DENND2B: variants seen among roughly 807,000 people sequenced by gnomAD.
The protein encoded by DENND2B is DENN domain containing 2B, also known as DENN domain-containing protein 2B.
A neutral mutation model predicts 116.0 loss-of-function variants in DENND2B; 32 were observed. That is an observed-to-expected ratio of 0.28 (90% confidence interval 0.21 to 0.37). The LOEUF is 0.37. Ranked by LOEUF, DENND2B falls within the 10% of genes least tolerant of loss-of-function variation. The pLI, the probability that DENND2B is intolerant of heterozygous loss-of-function variation, is 1.00. For synonymous variants in DENND2B, 588 were observed against 583.9 expected, an observed-to-expected ratio of 1.01 and a Z score of -0.10; for missense variants, 1,276 against 1,477.7, an observed-to-expected ratio of 0.86 and a Z score of 2.24.
rs552960737 is a variant in DENND2B at position 8,774,907 on chromosome 11, G to A, written c.-25-24182C>T. Among the ~76,000 whole-genome samples the A allele has an allele frequency of 2.0e-5, 3 of 149,968 alleles. No homozygotes were observed. In the South Asian group the frequency reaches 6.3e-4, roughly 32 times the overall value. On this transcript the variant is annotated intron_variant, in intron 1 of 19. Coordinates refer to ENST00000313726, the MANE Select transcript of DENND2B (RefSeq NM_213618.2). ...TATTTTCACTTTTTTTTGAGACAGA[G>A]TCTCTCTCTGTTGCCTAGGCTGCAG...
intron 4 of DENND2B, among the ~76,000 whole-genome samples, chr11:8,822,176 A>AT (rs2134548674): frequency 7.1e-6 from 1 of 140,196 alleles, no homozygotes; most frequent in East Asian, 2.2e-4. Context: ...CATTCTACAT[A>AT]TTTTAAATAA....
At chr11:8,888,212 T>A (rs1214040345) in intron 1 of DENND2B, among the ~76,000 whole-genome samples, 1 of 152,196 alleles carries the variant, frequency 6.6e-6, no homozygotes, top group African/African-American at 2.4e-5. Context: ...ACGCTACCCA[T>A]GACCACCCCC....
chr11:8,695,101 TTTATA>T (rs1047137716), intron 19 of DENND2B, among the ~76,000 whole-genome samples: 15 of 152,086 alleles, frequency 9.9e-5, no homozygotes, highest in African/African-American at 2.2e-4. Flanking sequence ...AATAACAAAA[TTTATA>T]TTATATTAGG....
At chr11:8,713,943 G>T in intron 8 of DENND2B, 55 bp downstream of exon 8, 1 of 1,582,352 alleles carries the variant, frequency 6.3e-7, no homozygotes, top group Non-Finnish European at 8.7e-7. Flanking sequence ...AGGGAAGGCT[G>T]ATTCCCTGCA....
intron 3 of DENND2B, among the ~76,000 whole-genome samples, chr11:8,851,596 C>T (rs1009282268): frequency 5.9e-5 from 9 of 152,116 alleles, no homozygotes; most frequent in Admixed American, 2.6e-4. Context: ...TTTGGCTAAG[C>T]ACATCAAAAG....
chr11:8,774,973 C>A (rs894772205), intron 1 of DENND2B, among the ~76,000 whole-genome samples: 1 of 151,978 alleles, frequency 6.6e-6, no homozygotes, highest in African/African-American at 2.4e-5. Context: ...TTCCACCTCC[C>A]AGGTTCATGA....
At chr11:8,723,677 G>A (rs1209702163) in intron 4 of DENND2B, among the ~76,000 whole-genome samples, 1 of 152,118 alleles carries the variant, frequency 6.6e-6, no homozygotes, top group Admixed American at 6.6e-5. Flanking sequence ...CTGCCCACCT[G>A]GCTTCTGGAT....
chr11:8,879,657 A>C (rs2134725394), intron 2 of DENND2B, among the ~76,000 whole-genome samples: 1 of 152,300 alleles, frequency 6.6e-6, no homozygotes, highest in South Asian at 2.1e-4. Flanking sequence ...TTAAAGAATA[A>C]AATATTTGTC....
chr11:8,702,861 C>T lies in DENND2B; in HGVS notation c.2572-141G>A. The T allele has an allele frequency of 7.0e-6, 7 of 999,632 alleles. No individual in the cohort carries two copies. The highest frequency in any genetic ancestry group is 1.6e-5 in the South Asian group (1 of 60,764). 61.9% of individuals were successfully genotyped at this position (999,632 alleles called of 1,614,324 possible). ...CTCGTCTACCCTGCTATGCAGTAAA[C>T]CCCTCTTCTCCATCCCTCGGACTAC... On this transcript the variant is annotated intron_variant, in intron 13 of 19. Transcript: ENST00000313726. This position sits in a 1 kb window ranked among gnomAD's most constrained non-coding sequence, Gnocchi z 4.6.
At chr11:8,849,903 G>C (rs1423211655) in intron 3 of DENND2B, among the ~76,000 whole-genome samples, 1 of 150,962 alleles carries the variant, frequency 6.6e-6, no homozygotes, top group Non-Finnish European at 1.5e-5. Flanking sequence ...GGGAGGCCAA[G>C]GCAGGTGGAT....
chr11:8,809,865 C>T (rs2061233086), intron 1 of DENND2B: 1 of 151,520 alleles, frequency 6.6e-6, no homozygotes, highest in Non-Finnish European at 1.5e-5. Context: ...CCCTCCTCCA[C>T]CTCTTAGGAA....
chr11:8,903,781 C>T (rs747394201), intron 1 of DENND2B, among the ~76,000 whole-genome samples: 7 of 150,040 alleles, frequency 4.7e-5, no homozygotes, highest in African/African-American at 7.4e-5. Context: ...CCCAGCTACT[C>T]GAGTGGCTAA....
intron 2 of DENND2B, among the ~76,000 whole-genome samples, chr11:8,877,196 C>T (rs1222822522): frequency 2.0e-5 from 3 of 150,988 alleles, no homozygotes; most frequent in South Asian, 4.3e-4. Context: ...CTCCACCTCC[C>T]GGGTTCATGC....
intron 1 of DENND2B, among the ~76,000 whole-genome samples, chr11:8,788,994 T>C (rs1255437709): frequency 1.3e-5 from 2 of 152,230 alleles, no homozygotes; most frequent in Non-Finnish European, 2.9e-5. Context: ...CTTTCCACTG[T>C]ACCTACCTAA....
At chr11:8,881,383 T>C (rs75191640) in intron 1 of DENND2B, among the ~76,000 whole-genome samples, 1,921 of 152,312 alleles carry the variant, frequency 0.013, 47 homozygotes, top group African/African-American at 0.044. Context: ...GTGACTTCTA[T>C]GTTGGACCTC....
chr11:8,766,747 G>T, intron 1 of DENND2B: 1 of 1,187,710 alleles, frequency 8.4e-7, no homozygotes, highest in Non-Finnish European at 1.1e-6. Flanking sequence ...ATAGTCAACT[G>T]TTGTGATGTC....
In DENND2B at chr11:8,702,530, C is replaced by T. The variant is rs772226968; in HGVS notation, c.2720+42G>A. 2 of 1,605,310 alleles carry T rather than the reference C, an allele frequency of 1.2e-6. No homozygotes were observed. The highest frequency in any genetic ancestry group is 1.1e-5 in the South Asian group (1 of 91,004). Reference sequence around the variant, plus strand: ...CTTGCTGATTCGCTTGTGGGTGTGCCTTCCCCCCTCCCTTCTGCTTTCTTG... The same window carrying T: ...CTTGCTGATTCGCTTGTGGGTGTGCTTTCCCCCCTCCCTTCTGCTTTCTTG... On this transcript the variant is annotated intron_variant, in intron 14 of 19. Transcript: ENST00000313726. This position sits in a 1 kb window ranked among gnomAD's most constrained non-coding sequence, Gnocchi z 4.6.
rs535110769 is a variant in DENND2B, at chr11:8,743,571, A to T, written c.80+7050T>A. Among the ~76,000 whole-genome samples, 260 of 151,666 alleles carry T rather than the reference A, an allele frequency of 1.7e-3. 3 individuals carry two copies. Among genetic ancestry groups the T allele is most frequent in the African/African-American group, 6.1e-3 (253 of 41,320 alleles). ...TCTCAAAAAAAAAAATTTTTTTTTT[A>T]AATTACTTAAAGTGTTGCCTCATAG... On this transcript the variant is annotated intron_variant, in intron 2 of 19. Coordinates refer to ENST00000313726, the MANE Select transcript of DENND2B (RefSeq NM_213618.2).
intron 19 of DENND2B, among the ~76,000 whole-genome samples, chr11:8,695,055 T>C (rs746820736): frequency 7.9e-5 from 12 of 152,072 alleles, no homozygotes; most frequent in African/African-American, 4.8e-5. Context: ...GAGCCAGACC[T>C]TGCCTCTAAA....
Sources: allele counts gnomAD v4.1 joint callset (sites outside exome capture counted in the v4.1 genomes callset), GRCh38; gene constraint gnomAD v4.1.1; non-coding constraint Gnocchi (gnomAD v3.1); transcripts MANE v1.5; gene names NCBI Gene and HGNC (gene_info 2026-07-23, HGNC 2026-07-21).